Variants in GAB3 observed in about 807,000 individuals in gnomAD.
The protein encoded by GAB3 is GRB2 associated binding protein 3, also known as GRB2-associated-binding protein 3.
A neutral mutation model predicts 40.4 loss-of-function variants in GAB3; 12 were observed. That is an observed-to-expected ratio of 0.30 (90% CI 0.19 to 0.48). The LOEUF (loss-of-function observed/expected upper bound fraction) is 0.48. Among genes scored for constraint, GAB3 ranks in the 20% least tolerant of loss-of-function variants. The probability of loss-of-function intolerance (pLI) is 0.99; values close to 1 mark genes in which losing one functional copy is unlikely to be tolerated. For synonymous variants in GAB3, 154 were observed against 176.7 expected (o/e 0.87, Z 1.02); for missense variants, 381 against 461.9 (o/e 0.82, Z 1.61).
chrX:154,735,937 C>T (rs1431530888), intron 1 of GAB3, among the ~76,000 whole-genome samples: 1 of 112,344 alleles, frequency 8.9e-6, no homozygotes, highest in African/African-American at 3.2e-5. Context: ...GTACATTGTC[C>T]ATCCCCTCCC....
chrX:154,751,021 C>A lies in GAB3; in HGVS notation c.5G>T (p.Ser2Ile). 1 of 812,192 alleles carries A rather than the reference C, an allele frequency of 1.2e-6. No individual in the cohort carries two copies. The highest frequency in any genetic ancestry group is 1.5e-6 in the Non-Finnish European group (1 of 671,327). The allele number at this position is 812,192 out of a possible 1,213,427, so 66.9% of individuals were successfully genotyped here. The change falls in exon 1 of 10, where the codon AGT (serine) becomes ATT (isoleucine). Residue 2 changes from serine (S) to isoleucine (I), a missense_variant. Coordinates refer to ENST00000424127, the MANE Select transcript of GAB3 (RefSeq NM_001081573.3). The part of the protein sequence containing the change: M[S>I]AGDAVCTGWL... ...GCCGGTGCACACTGCGTCGCCCGCACTCATCGTGGCCGCCGCCGCCGCTTC... is the reference window on the plus strand; with the variant it reads ...GCCGGTGCACACTGCGTCGCCCGCAATCATCGTGGCCGCCGCCGCCGCTTC...
chrX:154,743,289 G>T (rs934035770), intron 1 of GAB3, among the ~76,000 whole-genome samples: 1 of 110,307 alleles, frequency 9.1e-6, no homozygotes, highest in African/African-American at 3.3e-5. Flanking sequence ...GGGAGAAATA[G>T]ACTTTCTCAG....
chrX:154,697,740 C>T (rs1336869423), intron 6 of GAB3, among the ~76,000 whole-genome samples: 2 of 112,001 alleles, frequency 1.8e-5, no homozygotes, highest in Non-Finnish European at 3.8e-5. Context: ...TTGTACTTAC[C>T]CTTCACAGCA....
chrX:154,744,649 T>C (rs1557261782), intron 1 of GAB3, among the ~76,000 whole-genome samples: 2 of 112,247 alleles, frequency 1.8e-5, no homozygotes, highest in Admixed American at 9.4e-5. Context: ...AGAAAATCAG[T>C]AAGGATACAG....
chrX:154,710,479 AAACTC>A (rs1557255575), intron 4 of GAB3, among the ~76,000 whole-genome samples: 1 of 111,944 alleles, frequency 8.9e-6, no homozygotes, highest in African/African-American at 3.2e-5. Flanking sequence ...AGCAGAAAGG[AAACTC>A]AGACCCTCAC....
chrX:154,692,972 CA>C (rs1297611634), intron 8 of GAB3, among the ~76,000 whole-genome samples: 3 of 111,358 alleles, frequency 2.7e-5, no homozygotes, highest in African/African-American at 9.8e-5. Context: ...TATATACAAA[CA>C]AATTGAAAGC....
chrX:154,735,017 C>T, intron 1 of GAB3, among the ~76,000 whole-genome samples: 1 of 52,545 alleles, frequency 1.9e-5, no homozygotes, highest in Non-Finnish European at 3.9e-5. Flanking sequence ...ATATGAATGA[C>T]CTAATTAATA....
chrX:154,679,492 A>C (rs2070345112), intron 9 of GAB3, among the ~76,000 whole-genome samples: 1 of 112,115 alleles, frequency 8.9e-6, no homozygotes, highest in South Asian at 3.7e-4. Context: ...CGATATTAAA[A>C]GTAGAAAACA....
intron 9 of GAB3, 94 bp downstream of exon 9, chrX:154,680,038 A>C: frequency 2.7e-5 from 16 of 592,700 alleles, no homozygotes; most frequent in Non-Finnish European, 4.4e-5. Flanking sequence ...CATTTTTAAC[A>C]CTTTCTAAGG....
chrX:154,711,292 T>A (rs782639723), intron 4 of GAB3, among the ~76,000 whole-genome samples: 160 of 111,571 alleles, frequency 1.4e-3, no homozygotes, highest in Non-Finnish European at 2.5e-3. Flanking sequence ...CAACTAGTTT[T>A]TGTGTCTGTC....
In GAB3 at chrX:154,676,950, T is replaced by C. The variant is rs1324904513; in HGVS notation, c.*1228A>G. The C allele has an allele frequency of 9.0e-6, 1 of 111,564 alleles. No individual in the cohort carries two copies. The highest frequency in any genetic ancestry group is 9.5e-5 in the Admixed American group (1 of 10,547). The allele number at this position is 111,564 out of a possible 1,213,427, so 9.2% of individuals were successfully genotyped here. On this transcript the variant is annotated 3_prime_UTR_variant, in exon 10 of 10. Transcript: ENST00000424127. ...AGGAAGGGGTGACATGACGCCTTCA[T>C]TATAAAGTGGGAGTGTTTGTACTCT...
chrX:154,700,379 C>T (rs1449266980), intron 4 of GAB3, among the ~76,000 whole-genome samples: 1 of 110,985 alleles, frequency 9.0e-6, no homozygotes, highest in African/African-American at 3.3e-5. Context: ...TTCCTTGTAA[C>T]GAGCAGGAGA....
At position 154,695,815 on chromosome X, in the gene GAB3, A is replaced by C. The variant is rs782619154; in HGVS notation, c.1530+102T>G. On this transcript the variant is annotated intron_variant, in intron 8 of 9. Transcript: ENST00000424127. ...TTTTACGATCAAGTGGTTGTTTTAA[A>C]ATTGCACAGGGCTTACTGAAGGATG... The C allele has an allele frequency of 1.2e-4, 52 of 442,530 alleles. No homozygotes were observed. In the Admixed American group the frequency reaches 1.5e-3, roughly 13 times the overall value. The allele number at this position is 442,530 out of a possible 1,213,427, so 36.5% of individuals were successfully genotyped here. A position where few individuals can be genotyped will look rare whatever the true frequency, so the allele number is the denominator to read the frequency against.
intron 1 of GAB3, among the ~76,000 whole-genome samples, chrX:154,724,292 C>T (rs782573762): frequency 3.7e-5 from 4 of 109,040 alleles, no homozygotes; most frequent in Non-Finnish European, 7.6e-5. Flanking sequence ...TGCAGTTAGC[C>T]GAGATTGGGC....
At chrX:154,695,087 G>A (rs782404393) in intron 8 of GAB3, among the ~76,000 whole-genome samples, 63 of 112,171 alleles carry the variant, frequency 5.6e-4, no homozygotes, top group African/African-American at 1.9e-3. Context: ...CTTCTCAAGA[G>A]TATATTGTCA....
intron 1 of GAB3, among the ~76,000 whole-genome samples, chrX:154,720,613 C>A (rs1162529314): frequency 2.0e-4 from 16 of 80,819 alleles, no homozygotes; most frequent in Non-Finnish European, 3.6e-4. Flanking sequence ...GGCGACAGAG[C>A]GAGACTCCGT....
intron 8 of GAB3, among the ~76,000 whole-genome samples, chrX:154,690,170 G>T (rs1425002785): frequency 1.8e-5 from 2 of 108,603 alleles, no homozygotes; most frequent in Non-Finnish European, 3.8e-5. Flanking sequence ...ATGGGGAAAG[G>T]ATTCCCTATT....
chrX:154,696,104 G>T, intron 7 of GAB3, 85 bp from the exon 8 acceptor site: 1 of 491,927 alleles, frequency 2.0e-6, no homozygotes, highest in Non-Finnish European at 3.4e-6. Flanking sequence ...GCCCTCATGG[G>T]GTTTCAGCCC....
At chrX:154,710,289 ATATATTTATATAT>A (rs1557255390) in intron 4 of GAB3, among the ~76,000 whole-genome samples, 1 of 111,806 alleles carries the variant, frequency 8.9e-6, no homozygotes, top group African/African-American at 3.3e-5. Flanking sequence ...CAAATCCCCA[ATATATTTATATAT>A]GTGTGTCTAG....
Sources: allele counts gnomAD v4.1 joint callset (sites outside exome capture counted in the v4.1 genomes callset), GRCh38; gene constraint gnomAD v4.1.1; transcripts MANE v1.5; gene names NCBI Gene and HGNC (gene_info 2026-07-23, HGNC 2026-07-21).